Variants in POU6F2 observed in about 807,000 individuals in gnomAD.
POU6F2 encodes the protein POU domain, class 6, transcription factor 2.
Under a neutral mutation model 71.3 loss-of-function variants are expected in POU6F2, and 31 were observed. The observed-to-expected ratio is 0.43, with a 90% CI of 0.33 to 0.59. POU6F2 has a LOEUF of 0.59. Ranked by LOEUF, POU6F2 falls within the 20% of genes least tolerant of loss-of-function variation. The probability of loss-of-function intolerance (pLI) is 0.04; values close to 1 mark genes in which losing one functional copy is unlikely to be tolerated. For missense variants in POU6F2, 783 were observed against 856.8 expected (o/e 0.91, Z 1.07); for synonymous variants, 347 against 355.7 (o/e 0.98, Z 0.27).
intron 1 of POU6F2, 47 bp from the exon 2 acceptor site, chr7:39,085,813 T>G (rs1950001): frequency 0.8 from 1,276,131 of 1,596,020 alleles, 512,353 homozygotes; most frequent in East Asian, 1. Flanking sequence ...GCACTCTAAA[T>G]CTGCCACTTT....
intron 1 of POU6F2, among the ~76,000 whole-genome samples, chr7:38,996,057 T>TTTTTTTTTTTTC (rs1788728464): frequency 2.3e-5 from 2 of 88,878 alleles, no homozygotes; most frequent in Non-Finnish European, 4.6e-5. Flanking sequence ...TTTTTTTTTT[T>TTTTTTTTTTTTC]AGACAGAATT....
At position 38,994,036 on chromosome 7, in the gene POU6F2, G is replaced by A. The variant is rs137994413; in HGVS notation, c.105+15978G>A. 8.2e-4 allele frequency among the ~76,000 whole-genome samples: 125 copies of A among 152,184 alleles called. 1 individual carries two copies. Among genetic ancestry groups the A allele is most frequent in the Admixed American group, 1.5e-3 (23 of 15,280 alleles). On this transcript the variant is annotated intron_variant, in intron 1 of 9. Coordinates refer to ENST00000518318, the MANE Select transcript of POU6F2 (RefSeq NM_001370959.1). ...CTGAGGCTAATAAAAAGGCGAACCC[G>A]TCAATTTTGTTAGTGCCAACTCTTC...
At position 39,151,498 on chromosome 7, in the gene POU6F2, C is replaced by G. The variant is rs546186971; in HGVS notation, c.278-52737C>G. Among the ~76,000 whole-genome samples, 6 of 152,248 alleles carry G rather than the reference C, an allele frequency of 3.9e-5. No homozygotes were observed. In the South Asian group the frequency reaches 1.0e-3, roughly 26 times the overall value. ...AAATCCCTGTTGAGCTGATGTAGCT[C>G]TTGGTCTTCCTGAAGTAGATAAATT... is the stretch of plus-strand genomic sequence containing the variant. On this transcript the variant is annotated intron_variant, in intron 2 of 9. Coordinates refer to ENST00000518318, the MANE Select transcript of POU6F2 (RefSeq NM_001370959.1).
chr7:39,036,048 G>A (rs576215315), intron 1 of POU6F2, among the ~76,000 whole-genome samples: 9 of 152,086 alleles, frequency 5.9e-5, no homozygotes, highest in African/African-American at 1.4e-4. Context: ...TGAGGCGTGC[G>A]GGAGAGGAGA....
chr7:39,423,708 T>A (rs1288134133), intron 6 of POU6F2, among the ~76,000 whole-genome samples: 1 of 152,202 alleles, frequency 6.6e-6, no homozygotes, highest in Non-Finnish European at 1.5e-5. Context: ...GCAATACATT[T>A]CCCAGGAGAA....
intron 5 of POU6F2, among the ~76,000 whole-genome samples, chr7:39,355,561 A>T (rs1786238443): frequency 6.6e-6 from 1 of 152,158 alleles, no homozygotes; most frequent in African/African-American, 2.4e-5. Flanking sequence ...ATAGCAGGCC[A>T]GGAAGCAGGT....
rs1163376291 is a variant in POU6F2 at position 39,183,251 on chromosome 7, TG to T, written c.278-20983del. ...TGTCATCCCGAAACCATCCCCCACC[TG>T]CTGTATTAGTCTGTTCTCACACTGC... On this transcript the variant is annotated intron_variant, in intron 2 of 9. Coordinates refer to ENST00000518318, the MANE Select transcript of POU6F2 (RefSeq NM_001370959.1). 6.6e-5 allele frequency among the ~76,000 whole-genome samples: 10 copies of T among 152,324 alleles called. 1 individual carries two copies. The highest frequency in any genetic ancestry group is 6.2e-4 in the South Asian group (3 of 4,830).
At chr7:39,069,782 A>G (rs1790837416) in intron 1 of POU6F2, among the ~76,000 whole-genome samples, 1 of 152,230 alleles carries the variant, frequency 6.6e-6, no homozygotes. Flanking sequence ...CAGGTGGATT[A>G]TCATAAACGT....
intron 6 of POU6F2, among the ~76,000 whole-genome samples, 165 bp downstream of exon 6, chr7:39,406,905 T>C (rs74982678): frequency 0.011 from 1,631 of 152,338 alleles, 33 homozygotes; most frequent in African/African-American, 0.037. Context: ...GAGGTGTTTC[T>C]ATGTTTTAGA....
chr7:39,398,407 A>G (rs1287126782), intron 5 of POU6F2, among the ~76,000 whole-genome samples: 1 of 151,744 alleles, frequency 6.6e-6, no homozygotes, highest in Non-Finnish European at 1.5e-5. Context: ...AAAAAAAAAA[A>G]GTCTAATGAG....
intron 8 of POU6F2, among the ~76,000 whole-genome samples, chr7:39,454,062 C>T (rs1183560282): frequency 6.6e-6 from 1 of 152,178 alleles, no homozygotes; most frequent in African/African-American, 2.4e-5. Flanking sequence ...TGAATCATAT[C>T]ACTCTGGTTC....
At chr7:39,100,105 C>A (rs1023326515) in intron 2 of POU6F2, among the ~76,000 whole-genome samples, 1 of 152,212 alleles carries the variant, frequency 6.6e-6, no homozygotes, top group African/African-American at 2.4e-5. Flanking sequence ...TGGGAACATG[C>A]CTTCAACTAG....
intron 4 of POU6F2, among the ~76,000 whole-genome samples, chr7:39,338,005 T>C (rs543090545): frequency 2.5e-4 from 38 of 152,368 alleles, no homozygotes; most frequent in African/African-American, 9.1e-4. Context: ...TTCTAAATGC[T>C]GATTTAGATA....
intron 3 of POU6F2, 121 bp from the exon 4 acceptor site, chr7:39,207,271 G>A (rs1322668245): frequency 2.4e-6 from 2 of 827,936 alleles, no homozygotes; most frequent in Non-Finnish European, 3.7e-6. Flanking sequence ...ATGAGATAGG[G>A]CATGTTTTTT....
At chr7:39,343,347 G>A (rs1264753212) in intron 5 of POU6F2, among the ~76,000 whole-genome samples, 1 of 151,172 alleles carries the variant, frequency 6.6e-6, no homozygotes, top group Non-Finnish European at 1.5e-5. Context: ...AATATAGACT[G>A]TGTTTGATAG....
chr7:39,029,844 G>T (rs1437753299), intron 1 of POU6F2, among the ~76,000 whole-genome samples: 1 of 151,982 alleles, frequency 6.6e-6, no homozygotes, highest in Non-Finnish European at 1.5e-5. Flanking sequence ...GGCATTTATA[G>T]ATTTGAAAAT....
At chr7:39,219,477 C>T (rs1002763117) in intron 4 of POU6F2, among the ~76,000 whole-genome samples, 1 of 152,066 alleles carries the variant, frequency 6.6e-6, no homozygotes, top group Non-Finnish European at 1.5e-5. Flanking sequence ...TCATGTAGGG[C>T]AGTGGAAATG....
rs1347384425 is a variant in POU6F2, at chr7:38,991,765, TGAATA to T, written c.105+13717_105+13721del. On this transcript the variant is annotated intron_variant, in intron 1 of 9. Transcript: ENST00000518318. ...GACTGAAAATCCAAGCAAAGGGGCT[TGAATA>T]GAATAGAATTAACGGCTCTTTGTAT... 2.6e-5 allele frequency among the ~76,000 whole-genome samples: 4 copies of T among 152,170 alleles called. No homozygotes were observed. In the East Asian group the frequency reaches 7.7e-4, roughly 29 times the overall value.
At position 39,286,789 on chromosome 7, in the gene POU6F2, G is replaced by A. The variant is rs143262782; in HGVS notation, c.599-52853G>A. Among the ~76,000 whole-genome samples the A allele has an allele frequency of 5.9e-4, 89 of 152,130 alleles. 1 individual carries two copies. The highest frequency in any genetic ancestry group is 1.5e-3 in the Admixed American group (23 of 15,280). ...CATCATCATCATTATTAGAGACAGG[G>A]TCTCGCTCTGTCTCCCAGACTGGAG... is the stretch of plus-strand genomic sequence containing the variant. On this transcript the variant is annotated intron_variant, in intron 4 of 9. Transcript: ENST00000518318.
Sources: gnomAD v4.1 joint callset for allele counts (sites outside exome capture counted in the v4.1 genomes callset) on GRCh38, gnomAD v4.1.1 for gene constraint, MANE v1.5 for transcripts, NCBI Gene and HGNC (gene_info 2026-07-23, HGNC 2026-07-21) for gene names.